The following CAMK1D variants were observed in gnomAD, a reference collection of about 807,000 sequenced individuals.
The protein encoded by CAMK1D is calcium/calmodulin dependent protein kinase ID.
CAMK1D carries 9 observed loss-of-function variants against 47.7 expected under a neutral mutation model. That is an observed-to-expected ratio of 0.19 (90% CI 0.11 to 0.33). CAMK1D has a LOEUF of 0.33. Ranked by LOEUF, CAMK1D falls within the 10% of genes least tolerant of loss-of-function variation. The probability of loss-of-function intolerance (pLI) is 1.00; values close to 1 mark genes in which losing one functional copy is unlikely to be tolerated. For missense variants in CAMK1D, 291 were observed against 488.7 expected, an observed-to-expected ratio of 0.60 and a Z score of 3.81; for synonymous variants, 184 against 184.9, an observed-to-expected ratio of 0.99 and a Z score of 0.04.
intron 1 of CAMK1D, among the ~76,000 whole-genome samples, chr10:12,430,944 T>A (rs1196820226): frequency 6.6e-6 from 1 of 152,212 alleles, no homozygotes; most frequent in East Asian, 1.9e-4. Flanking sequence ...GAGACGGGAT[T>A]TCGCCATGCT....
chr10:12,560,121 C>T (rs1836889390), intron 2 of CAMK1D, among the ~76,000 whole-genome samples: 2 of 152,114 alleles, frequency 1.3e-5, no homozygotes, highest in Admixed American at 1.3e-4. Context: ...GCTTTGACGT[C>T]GATGAACTCT....
intron 2 of CAMK1D, among the ~76,000 whole-genome samples, chr10:12,593,806 G>A (rs780276833): frequency 2.4e-4 from 37 of 152,080 alleles, no homozygotes; most frequent in Non-Finnish European, 4.4e-4. Flanking sequence ...TCCCAAGCTT[G>A]GGCCACTCAA....
intron 2 of CAMK1D, among the ~76,000 whole-genome samples, chr10:12,567,850 C>T (rs1023851727): frequency 1.6e-4 from 25 of 152,084 alleles, no homozygotes; most frequent in Middle Eastern, 3.4e-3. Context: ...GAGAGTGCCT[C>T]GAATTTCGAG....
At chr10:12,710,379 G>T (rs1463694316) in intron 3 of CAMK1D, among the ~76,000 whole-genome samples, 1 of 152,090 alleles carries the variant, frequency 6.6e-6, no homozygotes, top group South Asian at 2.1e-4. Flanking sequence ...CATTCATTCC[G>T]TACATGTTTA....
intron 3 of CAMK1D, among the ~76,000 whole-genome samples, chr10:12,706,741 CAA>C (rs764894832): frequency 0.02 from 2,221 of 113,564 alleles, 37 homozygotes; most frequent in African/African-American, 0.065. Context: ...ACCCTGTCTC[CAA>C]AAAAAAAAAA....
intron 3 of CAMK1D, among the ~76,000 whole-genome samples, chr10:12,686,472 C>T (rs902548161): frequency 6.6e-6 from 1 of 152,078 alleles, no homozygotes; most frequent in African/African-American, 2.4e-5. Flanking sequence ...CAGGCACGCA[C>T]CACCACGTCC....
intron 1 of CAMK1D, among the ~76,000 whole-genome samples, chr10:12,483,387 G>A (rs971000528): frequency 3.9e-5 from 6 of 152,160 alleles, no homozygotes; most frequent in African/African-American, 1.4e-4. Flanking sequence ...TTTTTGTAGA[G>A]ACAGGGTCTT....
At chr10:12,705,423 T>C (rs1833692497) in intron 3 of CAMK1D, among the ~76,000 whole-genome samples, 1 of 151,908 alleles carries the variant, frequency 6.6e-6, no homozygotes, top group African/African-American at 2.4e-5. Flanking sequence ...GTTGTACCAC[T>C]GCACTCCAGC....
At chr10:12,454,248 C>T (rs932741957) in intron 1 of CAMK1D, among the ~76,000 whole-genome samples, 19 of 152,138 alleles carry the variant, frequency 1.2e-4, no homozygotes, top group Non-Finnish European at 2.2e-4. Context: ...CTGCAACCTC[C>T]GCCTCCTGGG....
intron 2 of CAMK1D, among the ~76,000 whole-genome samples, chr10:12,621,788 T>A (rs1285809564): frequency 1.2e-5 from 1 of 85,040 alleles, no homozygotes; most frequent in Non-Finnish European, 3.0e-5. Context: ...CTGAACTTAC[T>A]TTTTAGTTCT....
intron 3 of CAMK1D, among the ~76,000 whole-genome samples, chr10:12,751,806 G>C (rs1835999507): frequency 6.6e-6 from 1 of 152,182 alleles, no homozygotes; most frequent in African/African-American, 2.4e-5. Flanking sequence ...GAAGCCATGT[G>C]GTGGGCGGCT....
intron 6 of CAMK1D, among the ~76,000 whole-genome samples, chr10:12,813,656 A>C (rs1447232800): frequency 6.6e-6 from 1 of 151,714 alleles, no homozygotes; most frequent in Non-Finnish European, 1.5e-5. Flanking sequence ...TATTTATTAA[A>C]TCGCAGTTTT....
Position 12,828,867 on chromosome 10 carries a change from G to A in CAMK1D, c.1138G>A (p.Val380Met). 6.2e-7 allele frequency: 1 copy of A among 1,612,742 alleles called. No individual in the cohort carries two copies. The highest frequency in any genetic ancestry group is 1.7e-5 in the Admixed American group (1 of 59,942). ...RRPRPTTVTAVHSGSK is the reference protein window; with the variant it reads ...RRPRPTTVTAMHSGSK Reference sequence around the variant, plus strand: ...ACCCAGGCCCACCACTGTGACGGCAGTGCACTCTGGAAGCAAGTGACTGGC... The same window carrying A: ...ACCCAGGCCCACCACTGTGACGGCAATGCACTCTGGAAGCAAGTGACTGGC... Residue 380 changes from valine (V) to methionine (M), a missense_variant, in exon 11 of 11, where the codon GTG (valine) becomes ATG (methionine). Coordinates refer to ENST00000619168, the MANE Select transcript of CAMK1D (RefSeq NM_153498.4).
chr10:12,786,776 G>C (rs1311331079), intron 5 of CAMK1D, among the ~76,000 whole-genome samples: 1 of 152,190 alleles, frequency 6.6e-6, no homozygotes, highest in East Asian at 1.9e-4. Context: ...CATTTAAGCA[G>C]AGTCTCGTGT....
intron 7 of CAMK1D, 51 bp from the exon 8 acceptor site, chr10:12,816,199 A>C: frequency 2.7e-6 from 4 of 1,489,278 alleles, no homozygotes; most frequent in Non-Finnish European, 3.7e-6. Flanking sequence ...TCATATTGTC[A>C]CATCTCAAGT....
At chr10:12,700,739 A>G (rs1246957739) in intron 3 of CAMK1D, among the ~76,000 whole-genome samples, 1 of 152,346 alleles carries the variant, frequency 6.6e-6, no homozygotes, top group African/African-American at 2.4e-5. Flanking sequence ...GTTTGACCTC[A>G]GCCTGGAATG....
intron 2 of CAMK1D, among the ~76,000 whole-genome samples, chr10:12,556,518 C>A (rs1836766042): frequency 6.6e-6 from 1 of 152,064 alleles, no homozygotes; most frequent in Admixed American, 6.5e-5. Context: ...AGGGCCTGGA[C>A]AATGAGCATA....
At chr10:12,461,708 G>C (rs1293389403) in intron 1 of CAMK1D, among the ~76,000 whole-genome samples, 1 of 126,942 alleles carries the variant, frequency 7.9e-6, no homozygotes, top group Admixed American at 7.9e-5. Flanking sequence ...AAAAAAAAAA[G>C]AAGCTTTCAA....
intron 1 of CAMK1D, among the ~76,000 whole-genome samples, chr10:12,481,672 G>A (rs567420987): frequency 1.8e-4 from 28 of 152,234 alleles, no homozygotes; most frequent in South Asian, 8.3e-4. Context: ...ACCACGCCCG[G>A]CTAATTTTTA....
Sources: gnomAD v4.1 joint callset for allele counts (sites outside exome capture counted in the v4.1 genomes callset) on GRCh38, gnomAD v4.1.1 for gene constraint, MANE v1.5 for transcripts, NCBI Gene and HGNC (gene_info 2026-07-23, HGNC 2026-07-21) for gene names.